The following WDPCP variants were observed in gnomAD, a reference collection of about 807,000 sequenced individuals.
WDPCP encodes WD repeat containing planar cell polarity effector.
A neutral mutation model predicts 93.1 loss-of-function variants in WDPCP; 71 were observed. That is an observed-to-expected ratio of 0.76 (90% CI 0.63 to 0.93). WDPCP has a LOEUF of 0.93. Ranked by LOEUF, WDPCP falls within the 40% of genes least tolerant of loss-of-function variation. The probability of loss-of-function intolerance (pLI) is 0.00; values close to 1 mark genes in which losing one functional copy is unlikely to be tolerated. For missense variants in WDPCP, 844 were observed against 887.4 expected, an observed-to-expected ratio of 0.95 and a Z score of 0.62; for synonymous variants, 315 against 315.0, an observed-to-expected ratio of 1.00 and a Z score of 0.00.
intron 2 of WDPCP, among the ~76,000 whole-genome samples, chr2:63,715,282 T>A (rs189292166): frequency 6.6e-6 from 1 of 152,258 alleles, no homozygotes; most frequent in Non-Finnish European, 1.5e-5. Flanking sequence ...TTTTATGTTA[T>A]GCAAATTTTG....
chr2:63,641,939 T>G (rs951638307), intron 3 of WDPCP, among the ~76,000 whole-genome samples: 1 of 152,180 alleles, frequency 6.6e-6, no homozygotes, highest in Non-Finnish European at 1.5e-5. Flanking sequence ...TAGATTTAAG[T>G]CTTTAATCCA....
At chr2:63,652,645 A>G (rs1296602076) in intron 2 of WDPCP, among the ~76,000 whole-genome samples, 1 of 152,220 alleles carries the variant, frequency 6.6e-6, no homozygotes, top group East Asian at 1.9e-4. Context: ...TTCTGAGGAA[A>G]GATTTGATAG....
Position 63,496,128 on chromosome 2 carries a change from C to T in WDPCP, c.76-3188G>A, listed in dbSNP as rs573862657. Among the ~76,000 whole-genome samples, 233 of 152,224 alleles carry T rather than the reference C, an allele frequency of 1.5e-3. 1 individual carries two copies. The highest frequency in any genetic ancestry group is 3.7e-4 in the Non-Finnish European group (25 of 67,988). ...AGTAATACTAATTTATGACAATCTG[C>T]ATAAGACAAGGCTGAAGTTTAGCTG... On this transcript the variant is annotated intron_variant, in intron 1 of 17. Coordinates refer to ENST00000272321, the MANE Select transcript of WDPCP (RefSeq NM_015910.7).
intron 2 of WDPCP, among the ~76,000 whole-genome samples, chr2:63,758,839 C>T (rs2103907281): frequency 6.6e-6 from 1 of 151,668 alleles, no homozygotes; most frequent in Admixed American, 6.6e-5. Context: ...GTGCAGTGTC[C>T]CAGTCTCAGC....
intron 14 of WDPCP, chr2:63,230,011 G>A (rs1678694769): frequency 6.6e-6 from 1 of 151,908 alleles, no homozygotes. Context: ...ATGTATACAT[G>A]TGCCATGTTG....
chr2:63,485,517 G>C (rs1213051138), intron 4 of WDPCP, among the ~76,000 whole-genome samples: 7 of 151,732 alleles, frequency 4.6e-5, no homozygotes, highest in Admixed American at 6.6e-5. Context: ...GGAAATCCAA[G>C]TTTTAACAAA....
intron 3 of WDPCP, among the ~76,000 whole-genome samples, chr2:63,627,931 C>T (rs988706853): frequency 2.0e-5 from 3 of 152,192 alleles, no homozygotes; most frequent in Non-Finnish European, 4.4e-5. Context: ...ACGCAGAGGG[C>T]CCACTGAGCT....
intron 12 of WDPCP, among the ~76,000 whole-genome samples, chr2:63,354,430 G>C (rs1236180246): frequency 6.6e-6 from 1 of 152,180 alleles, no homozygotes; most frequent in Non-Finnish European, 1.5e-5. Flanking sequence ...GGAGTGCCAA[G>C]TCATGATCTA....
chr2:63,130,161 T>A (rs1670197422), intron 17 of WDPCP, among the ~76,000 whole-genome samples: 1 of 152,188 alleles, frequency 6.6e-6, no homozygotes, highest in African/African-American at 2.4e-5. Flanking sequence ...TTGCCTGTAC[T>A]TTTGGTGTCT....
intron 3 of WDPCP, among the ~76,000 whole-genome samples, chr2:63,607,698 C>T (rs1185699021): frequency 1.3e-5 from 2 of 151,248 alleles, no homozygotes; most frequent in African/African-American, 4.9e-5. Flanking sequence ...GGCGTGGTGG[C>T]GGGCACCTGT....
chr2:63,483,892 A>T (rs1401604218), intron 6 of WDPCP, among the ~76,000 whole-genome samples: 2 of 151,950 alleles, frequency 1.3e-5, no homozygotes, highest in African/African-American at 4.8e-5. Context: ...TAATCAGTGT[A>T]CACTAATTAT....
chr2:63,250,856 A>G (rs1680652882), intron 14 of WDPCP, among the ~76,000 whole-genome samples: 1 of 152,204 alleles, frequency 6.6e-6, no homozygotes, highest in Admixed American at 6.5e-5. Context: ...AAGGAGTTCA[A>G]TCTGGGAACT....
At chr2:63,647,298 C>G (rs1410103615) in intron 3 of WDPCP, among the ~76,000 whole-genome samples, 1 of 152,054 alleles carries the variant, frequency 6.6e-6, no homozygotes, top group Non-Finnish European at 1.5e-5. Context: ...CCACCACGCC[C>G]AGCTAATTTT....
chr2:63,745,141 A>C (rs1352995942), intron 2 of WDPCP, among the ~76,000 whole-genome samples: 1 of 152,068 alleles, frequency 6.6e-6, no homozygotes, highest in Admixed American at 6.6e-5. Context: ...TAAGTAATGT[A>C]CTCTACTTTG....
At chr2:63,306,218 T>G (rs1350513060) in intron 13 of WDPCP, among the ~76,000 whole-genome samples, 1 of 152,104 alleles carries the variant, frequency 6.6e-6, no homozygotes, top group Non-Finnish European at 1.5e-5. Context: ...AATAGACCAA[T>G]AACAAGTTCT....
chr2:63,528,525 G>A (rs1703541079), intron 1 of WDPCP, among the ~76,000 whole-genome samples: 1 of 152,138 alleles, frequency 6.6e-6, no homozygotes, highest in South Asian at 2.1e-4. Context: ...TCAGATAGTT[G>A]TAGATGTGTG....
At chr2:63,243,092 C>G (rs905956797) in intron 14 of WDPCP, among the ~76,000 whole-genome samples, 1 of 152,196 alleles carries the variant, frequency 6.6e-6, no homozygotes, top group African/African-American at 2.4e-5. Context: ...TATTTCACTT[C>G]ATAACTGTAT....
At chr2:63,674,081 T>C (rs1196586891) in intron 2 of WDPCP, among the ~76,000 whole-genome samples, 1 of 152,196 alleles carries the variant, frequency 6.6e-6, no homozygotes, top group African/African-American at 2.4e-5. Context: ...TGATCACAAC[T>C]CTGGTTTCGA....
At chr2:63,628,353 G>C (rs1193196828) in intron 3 of WDPCP, among the ~76,000 whole-genome samples, 1 of 152,128 alleles carries the variant, frequency 6.6e-6, no homozygotes, top group African/African-American at 2.4e-5. Context: ...CACTCAGTGA[G>C]AGAGAATAGA....
Sources: gnomAD v4.1 joint callset for allele counts (sites outside exome capture counted in the v4.1 genomes callset) on GRCh38, gnomAD v4.1.1 for gene constraint, MANE v1.5 for transcripts, NCBI Gene and HGNC (gene_info 2026-07-23, HGNC 2026-07-21) for gene names.